FSTL4: variants seen among roughly 807,000 people sequenced by gnomAD.
FSTL4 encodes follistatin like 4, also known as follistatin-related protein 4.
A neutral mutation model predicts 78.2 loss-of-function variants in FSTL4; 28 were observed. The observed-to-expected ratio is 0.36, with a 90% CI of 0.27 to 0.49. FSTL4 has a LOEUF of 0.49. FSTL4 is among the 20% of genes least tolerant of loss of function. The probability of loss-of-function intolerance (pLI) is 0.98; values close to 1 mark genes in which losing one functional copy is unlikely to be tolerated. For missense variants in FSTL4, 922 were observed against 1,084.9 expected (o/e 0.85, Z 2.11); for synonymous variants, 422 against 440.5 (o/e 0.96, Z 0.53).
chr5:133,480,135 C>T (rs11743516), intron 3 of FSTL4, among the ~76,000 whole-genome samples: 17,872 of 152,190 alleles, frequency 0.12, 1,393 homozygotes, highest in Non-Finnish European at 0.16. Context: ...GTCATACCAC[C>T]CCCGCATGCA....
At chr5:133,523,132 AAG>A (rs1759018455) in intron 3 of FSTL4, among the ~76,000 whole-genome samples, 1 of 152,290 alleles carries the variant, frequency 6.6e-6, no homozygotes, top group African/African-American at 2.4e-5. Flanking sequence ...TCCTTATAAG[AAG>A]AGACGCCAGC....
At chr5:133,825,324 C>T in the FSTL4 span, among the ~76,000 whole-genome samples, 3 of 152,188 alleles carry the variant, frequency 2.0e-5, no homozygotes, top group African/African-American at 7.2e-5. Context: ...TTCAGGTGGG[C>T]ACCAAACTTT....
intron 3 of FSTL4, among the ~76,000 whole-genome samples, chr5:133,531,417 G>A (rs1368465681): frequency 6.6e-6 from 1 of 152,106 alleles, no homozygotes. Flanking sequence ...TGACTCATGA[G>A]GCCTTAAGCG....
intron 8 of FSTL4, among the ~76,000 whole-genome samples, chr5:133,227,079 G>A (rs1054721195): frequency 1.3e-5 from 2 of 152,220 alleles, no homozygotes; most frequent in Non-Finnish European, 2.9e-5. Flanking sequence ...AGGCAGAGGT[G>A]AAAGCTAAAT....
chr5:133,419,370 G>T lies in FSTL4; in HGVS notation c.161-18384C>A, dbSNP rs149480356. On this transcript the variant is annotated intron_variant, in intron 3 of 15. Transcript: ENST00000265342. ...CTTGACCTCATGATCTGCCTGCCTT[G>T]GCCTCCCAAAATGCTGGGACTACAG... Among the ~76,000 whole-genome samples the T allele has an allele frequency of 9.4e-3, 1,437 of 152,190 alleles. 24 individuals are homozygous for T. Among genetic ancestry groups the T allele is most frequent in the African/African-American group, 0.031 (1,287 of 41,518 alleles).
chr5:133,545,977 C>T (rs1463464981), intron 3 of FSTL4, among the ~76,000 whole-genome samples: 1 of 152,248 alleles, frequency 6.6e-6, no homozygotes, highest in Non-Finnish European at 1.5e-5. Context: ...AAGAACTTGG[C>T]TACATTGTGT....
chr5:133,779,231 C>T, the FSTL4 span, among the ~76,000 whole-genome samples: 1 of 152,316 alleles, frequency 6.6e-6, no homozygotes, highest in African/African-American at 2.4e-5. Flanking sequence ...CAGCCTCCTT[C>T]CACTCCTGTC....
the FSTL4 span, among the ~76,000 whole-genome samples, chr5:133,786,924 CTG>C: frequency 1.3e-5 from 2 of 152,154 alleles, no homozygotes; most frequent in African/African-American, 4.8e-5. Flanking sequence ...GATAAGAAAA[CTG>C]AGGCTTAGAA....
chr5:133,659,670 T>A, the FSTL4 span, among the ~76,000 whole-genome samples: 21 of 151,706 alleles, frequency 1.4e-4, no homozygotes, highest in Non-Finnish European at 2.8e-4. Flanking sequence ...TGTTTTCTAT[T>A]TTCCACATCT....
intron 3 of FSTL4, among the ~76,000 whole-genome samples, chr5:133,438,700 C>T (rs1221874036): frequency 6.6e-6 from 1 of 152,154 alleles, no homozygotes; most frequent in Non-Finnish European, 1.5e-5. Flanking sequence ...CCGGATTGCC[C>T]TGACAATGGG....
At chr5:133,714,770 A>G in the FSTL4 span, among the ~76,000 whole-genome samples, 1 of 152,212 alleles carries the variant, frequency 6.6e-6, no homozygotes, top group African/African-American at 2.4e-5. Context: ...CTCCACTGGG[A>G]TATGTGTTAC....
At chr5:133,658,537 T>G in the FSTL4 span, among the ~76,000 whole-genome samples, 1 of 152,138 alleles carries the variant, frequency 6.6e-6, no homozygotes, top group Non-Finnish European at 1.5e-5. Context: ...TCCTCTTTTA[T>G]TAGTGTCACC....
At chr5:133,819,214 C>T in the FSTL4 span, among the ~76,000 whole-genome samples, 1 of 151,954 alleles carries the variant, frequency 6.6e-6, no homozygotes, top group South Asian at 2.1e-4. Flanking sequence ...GTGAAGTCAA[C>T]TTCACTTTGA....
At chr5:133,213,753 C>T (rs1330215277) in intron 13 of FSTL4, among the ~76,000 whole-genome samples, 7 of 151,956 alleles carry the variant, frequency 4.6e-5, no homozygotes, top group Non-Finnish European at 8.8e-5. Context: ...AGATAAAAAT[C>T]AACTATATAA....
chr5:133,234,914 T>C (rs1751609120), intron 7 of FSTL4, among the ~76,000 whole-genome samples: 1 of 152,230 alleles, frequency 6.6e-6, no homozygotes. Context: ...CTTGTTATTA[T>C]TAGCAGAAGA....
Position 133,412,282 on chromosome 5 carries a change from T to A in FSTL4, c.161-11296A>T, listed in dbSNP as rs186237705. ...GAAAGCTGCTGTGATAAAATCAATATGAGATCAACCTAGGAAAAGGCAAAT... is the reference window on the plus strand; with the variant it reads ...GAAAGCTGCTGTGATAAAATCAATAAGAGATCAACCTAGGAAAAGGCAAAT... On this transcript the variant is annotated intron_variant, in intron 3 of 15. Coordinates refer to ENST00000265342, the MANE Select transcript of FSTL4 (RefSeq NM_015082.2). Among the ~76,000 whole-genome samples the A allele has an allele frequency of 5.3e-5, 8 of 152,158 alleles. No homozygotes were observed. In the East Asian group the frequency reaches 1.5e-3, roughly 29 times the overall value.
the FSTL4 span, among the ~76,000 whole-genome samples, chr5:133,667,914 G>A: frequency 1.3e-5 from 2 of 152,172 alleles, no homozygotes; most frequent in Non-Finnish European, 2.9e-5. Context: ...ATAAACATTC[G>A]TTGAATGAAT....
chr5:133,229,210 C>T (rs1424426806), intron 8 of FSTL4, among the ~76,000 whole-genome samples: 1 of 152,194 alleles, frequency 6.6e-6, no homozygotes, highest in African/African-American at 2.4e-5. Flanking sequence ...TATGTTTAAT[C>T]TAACTCCAAT....
At chr5:133,784,795 C>T in the FSTL4 span, among the ~76,000 whole-genome samples, 3 of 151,518 alleles carry the variant, frequency 2.0e-5, no homozygotes, top group African/African-American at 7.3e-5. Flanking sequence ...TTTCAGGTTT[C>T]AGGGCTAGAT....
Sources: gnomAD v4.1 joint callset for allele counts (sites outside exome capture counted in the v4.1 genomes callset) on GRCh38, gnomAD v4.1.1 for gene constraint, MANE v1.5 for transcripts, NCBI Gene and HGNC (gene_info 2026-07-23, HGNC 2026-07-21) for gene names.